The following GRB2 variants were observed in gnomAD, a reference collection of about 807,000 sequenced individuals.
GRB2 encodes growth factor receptor bound protein 2.
Under a neutral mutation model 27.4 loss-of-function variants are expected in GRB2, and 2 were observed. The ratio of observed to expected loss-of-function variants is 0.07; its 90% confidence interval spans 0.03 to 0.23. The LOEUF (loss-of-function observed/expected upper bound fraction) is 0.23, where lower values mean the gene tolerates loss of function less well. Ranked by LOEUF, GRB2 falls within the 10% of genes least tolerant of loss-of-function variation. The probability of loss-of-function intolerance (pLI) is 1.00; values close to 1 mark genes in which losing one functional copy is unlikely to be tolerated. For missense variants in GRB2, 102 were observed against 282.4 expected (o/e 0.36, Z 4.58); for synonymous variants, 94 against 99.6 (o/e 0.94, Z 0.33).
rs539969586 is a variant in GRB2 at position 75,368,885 on chromosome 17, A to G, written c.78+24666T>C. ...TCCATTTCCACTAACATACTCCATC[A>G]GCTTGCCTGAAACAAAACTGCTTCT... On this transcript the variant is annotated intron_variant, in intron 2 of 5. Coordinates refer to ENST00000316804, the MANE Select transcript of GRB2 (RefSeq NM_002086.5). Among the ~76,000 whole-genome samples, 15 of 152,228 alleles carry G rather than the reference A, an allele frequency of 9.9e-5. No homozygotes were observed. The East Asian group carries it at 2.9e-3, about 29-fold the overall frequency.
chr17:75,361,865 T>G (rs1011232189), intron 2 of GRB2, among the ~76,000 whole-genome samples: 36 of 151,632 alleles, frequency 2.4e-4, no homozygotes, highest in Non-Finnish European at 4.0e-4. Flanking sequence ...GAGACCAGTC[T>G]GTGTCTTTAT....
chr17:75,371,959 T>C (rs2078859473), intron 2 of GRB2: 1 of 152,134 alleles, frequency 6.6e-6, no homozygotes, highest in South Asian at 2.1e-4. Flanking sequence ...AATGAGTATC[T>C]ACAATAAGAG....
At chr17:75,379,518 C>T (rs1016216532) in intron 2 of GRB2, among the ~76,000 whole-genome samples, 11 of 152,088 alleles carry the variant, frequency 7.2e-5, no homozygotes, top group African/African-American at 2.2e-4. Context: ...CCCACCTTAG[C>T]GTCCCAAGTA....
chr17:75,382,898 C>T (rs1200945214), intron 2 of GRB2, among the ~76,000 whole-genome samples: 12 of 152,040 alleles, frequency 7.9e-5, no homozygotes, highest in African/African-American at 2.2e-4. Context: ...TTAGTAGAGA[C>T]GGGGTTATCA....
At chr17:75,336,726 T>C (rs896572535) in intron 2 of GRB2, among the ~76,000 whole-genome samples, 7 of 152,226 alleles carry the variant, frequency 4.6e-5, no homozygotes, top group African/African-American at 1.7e-4. Flanking sequence ...AATTAATGCT[T>C]TTAAAAATGT....
intron 2 of GRB2, chr17:75,371,845 T>C (rs1490096829): frequency 2.0e-5 from 3 of 152,056 alleles, no homozygotes; most frequent in Admixed American, 2.0e-4. Context: ...CCATTATTTC[T>C]GACATTACTG....
At chr17:75,332,868 A>AT in intron 2 of GRB2, 71 bp from the exon 3 acceptor site, 2 of 976,664 alleles carry the variant, frequency 2.0e-6, no homozygotes, top group Non-Finnish European at 1.6e-6. Context: ...TTACAAGACA[A>AT]TTATGCTATC....
chr17:75,327,305 C>T (rs1012530724), intron 3 of GRB2, among the ~76,000 whole-genome samples: 1 of 151,902 alleles, frequency 6.6e-6, no homozygotes, highest in Non-Finnish European at 1.5e-5. Context: ...GTCTCGATCT[C>T]CTGACCTTGT....
chr17:75,344,491 C>T (rs890479543), intron 2 of GRB2: 2 of 150,284 alleles, frequency 1.3e-5, no homozygotes, highest in Admixed American at 1.3e-4. Flanking sequence ...CTCCCGGGTT[C>T]AAGCGATTCT....
chr17:75,346,827 T>C (rs1169137511), intron 2 of GRB2, among the ~76,000 whole-genome samples: 1 of 152,046 alleles, frequency 6.6e-6, no homozygotes, highest in African/African-American at 2.4e-5. Flanking sequence ...CCTCTCAAAG[T>C]GCTGGGATTA....
chr17:75,404,841 A>G (rs780397627), intron 1 of GRB2: 7 of 152,222 alleles, frequency 4.6e-5, no homozygotes, highest in Non-Finnish European at 7.3e-5. Flanking sequence ...TGTGGCTTAC[A>G]ATCATAGAGA....
intron 1 of GRB2, among the ~76,000 whole-genome samples, chr17:75,403,833 G>A (rs2079079927): frequency 6.6e-6 from 1 of 152,140 alleles, no homozygotes; most frequent in Non-Finnish European, 1.5e-5. Context: ...ATTAACTCTG[G>A]CCGGGCGCGG....
rs150904250 is a variant in GRB2, at chr17:75,334,993, T to C, written c.79-2196A>G. 7.8e-4 allele frequency among the ~76,000 whole-genome samples: 119 copies of C among 152,022 alleles called. 1 individual carries two copies. The East Asian group carries it at 0.014, about 18-fold the overall frequency. On this transcript the variant is annotated intron_variant, in intron 2 of 5. Transcript: ENST00000316804. ...TCAGCCTCCTGAGTACCTGGGACTATAGGCACTTGCCATGTTGCCCAGGCT... is the reference window on the plus strand; with the variant it reads ...TCAGCCTCCTGAGTACCTGGGACTACAGGCACTTGCCATGTTGCCCAGGCT...
chr17:75,384,669 A>AATAAC (rs1428518964), intron 2 of GRB2, among the ~76,000 whole-genome samples: 3 of 152,128 alleles, frequency 2.0e-5, no homozygotes, highest in East Asian at 1.9e-4. Context: ...CTTGTCTCAA[A>AATAAC]ATAACATAAC....
In GRB2 at chr17:75,393,572, G is replaced by A. The variant is rs1363030509; in HGVS notation, c.57C>T (p.Phe19=). 6.2e-7 allele frequency: 1 copy of A among 1,614,164 alleles called. No individual in the cohort carries two copies. Among genetic ancestry groups the A allele is most frequent in the East Asian group, 2.2e-5 (1 of 44,886 alleles). The stretch of plus-strand genomic sequence containing the variant: ...TTACCTTGAGGATGTCCCCCCTTTT[G>A]AAGCTCAGCTCGTCGTCTGCAGTAG... ...FKATADDELS[F]KRGDILKVLN... is the part of the protein sequence containing the mutation. The change falls in exon 2 of 6, where the codon TTC becomes TTT. Residue 19 remains phenylalanine, a synonymous_variant. Coordinates refer to ENST00000316804, the MANE Select transcript of GRB2 (RefSeq NM_002086.5).
chr17:75,369,672 T>C (rs1251916612), intron 2 of GRB2, among the ~76,000 whole-genome samples: 1 of 130,852 alleles, frequency 7.6e-6, no homozygotes, highest in Non-Finnish European at 1.6e-5. Flanking sequence ...CTGGGCAACA[T>C]GGTGAAACCG....
chr17:75,334,179 A>T (rs979743652), intron 2 of GRB2, among the ~76,000 whole-genome samples: 44 of 149,984 alleles, frequency 2.9e-4, no homozygotes, highest in East Asian at 3.9e-4. Context: ...TTATTTATTT[A>T]TTTTTTTTTG....
intron 2 of GRB2, among the ~76,000 whole-genome samples, chr17:75,342,685 T>TCTTC (rs2078629047): frequency 6.6e-6 from 1 of 152,070 alleles, no homozygotes; most frequent in Admixed American, 6.6e-5. Context: ...AAACAATCAG[T>TCTTC]CTTCCTGTAA....
intron 5 of GRB2, 73 bp downstream of exon 5, chr17:75,321,586 T>C: frequency 6.9e-7 from 1 of 1,440,048 alleles, no homozygotes; most frequent in Non-Finnish European, 9.7e-7. Flanking sequence ...GCGCCTCCCC[T>C]TTCCTACAGG....
Sources: gnomAD v4.1 joint callset for allele counts (sites outside exome capture counted in the v4.1 genomes callset) on GRCh38, gnomAD v4.1.1 for gene constraint, MANE v1.5 for transcripts, NCBI Gene and HGNC (gene_info 2026-07-23, HGNC 2026-07-21) for gene names.